USO1: variants seen among roughly 807,000 people sequenced by gnomAD.
USO1 encodes the protein general vesicular transport factor p115.
USO1 carries 57 observed loss-of-function variants against 124.5 expected under a neutral mutation model. The ratio of observed to expected loss-of-function variants is 0.46; its 90% CI spans 0.37 to 0.57. USO1 has a LOEUF of 0.57. USO1 is among the 20% of genes least tolerant of loss of function. The probability of loss-of-function intolerance (pLI) is 0.00; values close to 1 mark genes in which losing one functional copy is unlikely to be tolerated. For missense variants in USO1, 900 were observed against 1,040.6 expected (o/e 0.86, Z 1.86); for synonymous variants, 369 against 362.8 (o/e 1.02, Z -0.19).
At chr4:75,804,358 A>G in intron 18 of USO1, 86 bp downstream of exon 18, 1 of 1,465,704 alleles carries the variant, frequency 6.8e-7, no homozygotes, top group Non-Finnish European at 9.0e-7. Flanking sequence ...CTTTCTGTGG[A>G]CTAGTATTTT....
intron 1 of USO1, among the ~76,000 whole-genome samples, chr4:75,740,151 T>C (rs1720917581): frequency 6.6e-6 from 1 of 152,120 alleles, no homozygotes; most frequent in Admixed American, 6.6e-5. Context: ...CTGGGCAACA[T>C]AGTGACACCT....
chr4:75,734,203 C>T (rs1168908096), intron 1 of USO1, among the ~76,000 whole-genome samples: 1 of 152,210 alleles, frequency 6.6e-6, no homozygotes, highest in Non-Finnish European at 1.5e-5. Flanking sequence ...CTTGACCTCC[C>T]AAAGTGCTGG....
chr4:75,770,824 G>C lies in USO1; in HGVS notation c.399G>C (p.Glu133Asp), dbSNP rs777416215. The C allele has an allele frequency of 1.9e-6, 3 of 1,606,850 alleles. No individual in the cohort carries two copies. The South Asian group carries it at 3.4e-5, about 18-fold the overall frequency. Residue 133 changes from glutamate (E) to aspartate (D), a missense_variant and splice_region_variant, in exon 6 of 24, where the codon GAG (glutamate) becomes GAC (aspartate). Physicochemically the swap from Glu to Asp is conservative, Grantham distance 45. Coordinates refer to ENST00000514213, the MANE Select transcript of USO1 (RefSeq NM_003715.4). ...TATTTTGAATTCTTACATTGCAGGA[G>C]TTTGATTTCCATGTCCGCTGGCCTG... The part of the protein sequence containing the change: ...NVTLLLSLLE[E>D]FDFHVRWPGV...
intron 4 of USO1, among the ~76,000 whole-genome samples, chr4:75,769,048 G>A (rs774652116): frequency 2.6e-5 from 4 of 152,128 alleles, no homozygotes; most frequent in Non-Finnish European, 5.9e-5. Context: ...TAGGCCAAAA[G>A]CTTGGAATCA....
At chr4:75,796,839 A>G (rs1400456428) in intron 13 of USO1, among the ~76,000 whole-genome samples, 2 of 148,104 alleles carry the variant, frequency 1.4e-5, no homozygotes, top group African/African-American at 2.5e-5. Context: ...ATTTTATATT[A>G]ACATACTTAA....
At chr4:75,772,792 T>C (rs1721969327) in intron 7 of USO1, among the ~76,000 whole-genome samples, 1 of 152,026 alleles carries the variant, frequency 6.6e-6, no homozygotes, top group African/African-American at 2.4e-5. Context: ...ATAAAAGTGC[T>C]CTTAAAAAAA....
chr4:75,768,546 A>G (rs1032414067), intron 4 of USO1, among the ~76,000 whole-genome samples: 4 of 152,248 alleles, frequency 2.6e-5, no homozygotes, highest in African/African-American at 9.6e-5. Context: ...TAGATTCCAT[A>G]GGATTTTCCT....
At chr4:75,736,750 A>C (rs772342765) in intron 1 of USO1, among the ~76,000 whole-genome samples, 13 of 152,188 alleles carry the variant, frequency 8.5e-5, no homozygotes, top group African/African-American at 3.1e-4. Context: ...AATAGAATCC[A>C]TGTCTTATTC....
Position 75,805,142 on chromosome 4 carries a change from A to G in USO1, c.2128A>G (p.Lys710Glu). The G allele has an allele frequency of 1.3e-6, 2 of 1,575,988 alleles. No homozygotes were observed. The highest frequency in any genetic ancestry group is 1.7e-6 in the Non-Finnish European group (2 of 1,166,706). ...AAAATGTTATGTCTGTCTAACAGGA[A>G]AAGACAATCAGCATCAAGGTTCTTA... The part of the protein sequence containing the change: ...QYNLLKIQLG[K>E]DNQHQGSYSE... Residue 710 changes from lysine (K) to glutamate (E), a missense_variant and splice_region_variant, in exon 19 of 24, where the codon AAA (lysine) becomes GAA (glutamate). Lys to Glu is a moderately conservative substitution (Grantham distance 56). This residue lies in a region of USO1 where 362 missense variants were observed against 359.0 expected (regional missense o/e 1.01). Transcript: ENST00000514213.
At chr4:75,727,023 C>G (rs1413611738) in intron 1 of USO1, among the ~76,000 whole-genome samples, 3 of 152,168 alleles carry the variant, frequency 2.0e-5, no homozygotes, top group Admixed American at 6.5e-5. Context: ...GAGCCTGGCA[C>G]TTAGTAGATG....
At chr4:75,725,656 T>C (rs1333761614) in intron 1 of USO1, among the ~76,000 whole-genome samples, 1 of 152,198 alleles carries the variant, frequency 6.6e-6, no homozygotes, top group African/African-American at 2.4e-5. Flanking sequence ...AAAACATTAT[T>C]TAATAGTTGC....
At chr4:75,746,279 A>G (rs1339226551) in intron 1 of USO1, among the ~76,000 whole-genome samples, 6 of 152,214 alleles carry the variant, frequency 3.9e-5, no homozygotes, top group African/African-American at 1.2e-4. Context: ...GCCAGAATGT[A>G]TTATAGTTTC....
At chr4:75,751,974 A>G (rs1159998576) in intron 1 of USO1, among the ~76,000 whole-genome samples, 2 of 152,166 alleles carry the variant, frequency 1.3e-5, no homozygotes, top group East Asian at 3.8e-4. Flanking sequence ...AAATGTTAGG[A>G]AAAAGATGAT....
chr4:75,767,436 T>C (rs897073094), intron 4 of USO1: 11 of 447,054 alleles, frequency 2.5e-5, no homozygotes, highest in African/African-American at 2.2e-4. Context: ...CATGCTTGGC[T>C]TTTTCTTTTA....
intron 1 of USO1, among the ~76,000 whole-genome samples, chr4:75,728,106 C>G (rs547571029): frequency 7.0e-4 from 107 of 152,246 alleles, no homozygotes; most frequent in African/African-American, 2.5e-3. Flanking sequence ...TTACTAGGTA[C>G]TAAAACACTT....
At chr4:75,751,604 G>A (rs1282367014) in intron 1 of USO1, among the ~76,000 whole-genome samples, 1 of 150,402 alleles carries the variant, frequency 6.6e-6, no homozygotes, top group Non-Finnish European at 1.5e-5. Context: ...GCCGAGGCGG[G>A]TGGATCACCT....
At chr4:75,802,655 A>C (rs780239093) in intron 17 of USO1, among the ~76,000 whole-genome samples, 1 of 151,982 alleles carries the variant, frequency 6.6e-6, no homozygotes, top group Non-Finnish European at 1.5e-5. Flanking sequence ...GAAAAATGGA[A>C]AGCAATATTA....
chr4:75,802,873 G>A (rs1252511373), intron 17 of USO1, among the ~76,000 whole-genome samples: 1 of 148,140 alleles, frequency 6.8e-6, no homozygotes, highest in Non-Finnish European at 1.5e-5. Flanking sequence ...ACCTGAGGTC[G>A]GGAGTTCGAG....
At chr4:75,799,794 C>T in intron 14 of USO1, 62 bp downstream of exon 14, 2 of 1,580,632 alleles carry the variant, frequency 1.3e-6, no homozygotes, top group Non-Finnish European at 1.7e-6. Context: ...TTTTTCTCCT[C>T]AATTAGAAGT....
Sources: allele counts gnomAD v4.1 joint callset (sites outside exome capture counted in the v4.1 genomes callset), GRCh38; gene constraint gnomAD v4.1.1; regional missense constraint gnomAD v4.1.1; transcripts MANE v1.5; gene names NCBI Gene and HGNC (gene_info 2026-07-23, HGNC 2026-07-21).